Variants in DST observed in about 807,000 individuals in gnomAD.
DST encodes bullous pemphigoid antigen.
A neutral mutation model predicts 875.2 loss-of-function variants in DST; 253 were observed. The ratio of observed to expected loss-of-function variants is 0.29; its 90% CI spans 0.26 to 0.32. The LOEUF (loss-of-function observed/expected upper bound fraction) is 0.32. Among genes scored for constraint, DST ranks in the 10% least tolerant of loss-of-function variants. The probability of loss-of-function intolerance (pLI) is 1.00; values close to 1 mark genes in which losing one functional copy is unlikely to be tolerated. For missense variants in DST, 8,287 were observed against 9,111.6 expected (o/e 0.91, Z 3.68); for synonymous variants, 3,124 against 3,197.1 (o/e 0.98, Z 0.77).
chr6:56,501,826 C>T (rs1267133035), intron 78 of DST, 133 bp from the exon 79 acceptor site: 1 of 564,038 alleles, frequency 1.8e-6, no homozygotes, highest in Non-Finnish European at 2.9e-6. Context: ...AAAAATCTCA[C>T]ATGAGGCTTA....
At chr6:56,481,950 G>A (rs1161702409) in intron 90 of DST, 100 bp downstream of exon 90, 2 of 1,333,984 alleles carry the variant, frequency 1.5e-6, no homozygotes, top group Non-Finnish European at 1.0e-6. Flanking sequence ...TATTTCTCAG[G>A]AAGGAAAATA....
rs2098523226 is a variant in DST, at chr6:56,609,138, T to C, written c.5490A>G (p.Gln1830=). ...DAKSHGLIDE[Q]ILCQLKELSK... ...TTAGTTCTTTGAGTTGGCACAGAAT[T>C]TGTTCATCAATAAGGCCATGACTTT... Residue 1830 remains glutamine (Q), a synonymous_variant, in exon 40 of 104, where the codon CAA becomes CAG. Coordinates refer to ENST00000680361, the MANE Select transcript of DST (RefSeq NM_001374736.1). 3 of 1,613,742 alleles carry C rather than the reference T, an allele frequency of 1.9e-6. No individual in the cohort carries two copies. Among genetic ancestry groups the C allele is most frequent in the Non-Finnish European group, 2.5e-6 (3 of 1,179,798 alleles).
chr6:56,775,291 C>T (rs1590043297), intron 4 of DST, among the ~76,000 whole-genome samples: 1 of 152,206 alleles, frequency 6.6e-6, no homozygotes, highest in South Asian at 2.1e-4. Context: ...AGCACACCTG[C>T]ATCCATAGCC....
chr6:56,767,541 C>G (rs767413331), intron 4 of DST, among the ~76,000 whole-genome samples: 3 of 151,896 alleles, frequency 2.0e-5, no homozygotes, highest in African/African-American at 7.3e-5. Context: ...TGCTTGAACC[C>G]AAGAGGCGGA....
At chr6:56,930,093 G>T (rs1222940575) in intron 2 of DST, among the ~76,000 whole-genome samples, 2 of 152,244 alleles carry the variant, frequency 1.3e-5, no homozygotes, top group Non-Finnish European at 2.9e-5. Flanking sequence ...TAGCCTCCAG[G>T]ATCTGGTAAT....
intron 4 of DST, among the ~76,000 whole-genome samples, chr6:56,746,796 T>C (rs964855369): frequency 6.6e-6 from 1 of 152,244 alleles, no homozygotes; most frequent in East Asian, 1.9e-4. Flanking sequence ...TATTCATTTA[T>C]GTATTACATA....
In DST at chr6:56,466,063, T is replaced by TAACATCATGAA; in HGVS notation, c.22687+14_22687+15insTTCATGATGTT. ...AAATACTTTCATGATGTTATCATGA[T>TAACATCATGAA]AAGCATCTCCTTACCCCTGCAAGGA... On this transcript the variant is annotated intron_variant, in intron 99 of 103. Coordinates refer to ENST00000680361, the MANE Select transcript of DST (RefSeq NM_001374736.1). 1 of 1,570,948 alleles carries TAACATCATGAA rather than the reference T, an allele frequency of 6.4e-7. No homozygotes were observed. Among genetic ancestry groups the TAACATCATGAA allele is most frequent in the Non-Finnish European group, 8.7e-7 (1 of 1,144,658 alleles).
At position 56,608,730 on chromosome 6, in the gene DST, G is replaced by A. The variant is rs1432690867; in HGVS notation, c.5898C>T (p.Asn1966=). 2.5e-6 allele frequency: 4 copies of A among 1,610,686 alleles called. No individual in the cohort carries two copies. The highest frequency in any genetic ancestry group is 1.7e-5 in the Admixed American group (1 of 59,448). ...CATGAGCTGCTCTTAAAATGCTTATGTTTCTTCCACATTTTAATGTTATTC... is the reference window on the plus strand; with the variant it reads ...CATGAGCTGCTCTTAAAATGCTTATATTTCTTCCACATTTTAATGTTATTC... The part of the protein sequence containing the change: ...GGRITLKCGR[N]ISILRAAHEG... Residue 1966 remains asparagine, a synonymous_variant, in exon 40 of 104, where the codon AAC becomes AAT. Transcript: ENST00000680361.
At chr6:56,797,475 G>A (rs1289153802) in intron 4 of DST, among the ~76,000 whole-genome samples, 1 of 152,158 alleles carries the variant, frequency 6.6e-6, no homozygotes. Context: ...CAAAAGCAAG[G>A]CCTCTTGCTC....
At chr6:56,468,124 G>A (rs1272334435) in intron 98 of DST, among the ~76,000 whole-genome samples, 2 of 151,886 alleles carry the variant, frequency 1.3e-5, no homozygotes, top group Middle Eastern at 3.4e-3. Flanking sequence ...ATGTAATATG[G>A]TCAGATACTA....
intron 2 of DST, among the ~76,000 whole-genome samples, chr6:56,941,569 C>T (rs549517221): frequency 6.6e-6 from 1 of 152,296 alleles, no homozygotes; most frequent in African/African-American, 2.4e-5. Flanking sequence ...CACAACTTCA[C>T]CCACTTAGAC....
In DST at chr6:56,603,350, A is replaced by G; in HGVS notation, c.11012T>C (p.Leu3671Ser). 6.2e-7 allele frequency: 1 copy of G among 1,611,252 alleles called. No homozygotes were observed. The highest frequency in any genetic ancestry group is 8.5e-7 in the Non-Finnish European group (1 of 1,179,102). Residue 3671 changes from leucine to serine, a missense_variant, in exon 42 of 104, where the codon TTA becomes TCA. This residue lies in a region of DST where 3,138 missense variants were observed against 3,116.6 expected (regional missense o/e 1.01). Coordinates refer to ENST00000680361, the MANE Select transcript of DST (RefSeq NM_001374736.1). ...GGGAAAGTCACTGGGAAGAGACTTTAAAAACTCTTCTGCCAACTTCATATC... is the reference window on the plus strand; with the variant it reads ...GGGAAAGTCACTGGGAAGAGACTTTGAAAACTCTTCTGCCAACTTCATATC... ...RKDMKLAEEF[L>S]KSLPSDFPRG... is the part of the protein sequence containing the mutation.
chr6:56,765,520 T>C (rs1018397691), intron 4 of DST, among the ~76,000 whole-genome samples: 11 of 152,188 alleles, frequency 7.2e-5, no homozygotes, highest in Admixed American at 5.2e-4. Flanking sequence ...CAGGATATCA[T>C]AAAGGAGAAG....
chr6:56,522,347 T>C (rs943379924), intron 69 of DST, among the ~76,000 whole-genome samples: 1 of 152,182 alleles, frequency 6.6e-6, no homozygotes, highest in Non-Finnish European at 1.5e-5. Context: ...GTCTGACTTC[T>C]AGACTGCCAA....
chr6:56,823,240 T>A lies in DST; in HGVS notation c.625+28157A>T, dbSNP rs116602071. Reference sequence around the variant, plus strand: ...CCATTGTTGTCTAAAGGCACACTCCTATTCTGAGCCTCCCCTCAGTATTTT... The same window carrying A: ...CCATTGTTGTCTAAAGGCACACTCCAATTCTGAGCCTCCCCTCAGTATTTT... On this transcript the variant is annotated intron_variant, in intron 4 of 103. Coordinates refer to ENST00000680361, the MANE Select transcript of DST (RefSeq NM_001374736.1). Among the ~76,000 whole-genome samples, 639 of 152,300 alleles carry A rather than the reference T, an allele frequency of 4.2e-3. 7 individuals carry two copies. Among genetic ancestry groups the A allele is most frequent in the African/African-American group, 0.015 (618 of 41,564 alleles).
At chr6:56,862,376 G>A (rs1771675973) in intron 3 of DST, among the ~76,000 whole-genome samples, 1 of 152,064 alleles carries the variant, frequency 6.6e-6, no homozygotes, top group Non-Finnish European at 1.5e-5. Context: ...GTTTGAGGGG[G>A]GAAGATGTTA....
At chr6:56,617,084 G>T (rs1213052740) in intron 36 of DST, 1 of 1,613,936 alleles carries the variant, frequency 6.2e-7, no homozygotes, top group South Asian at 1.1e-5. Flanking sequence ...CTTGTTAAGA[G>T]TTTTCTGAAC....
At chr6:56,651,697 G>A (rs552522739) in intron 10 of DST, among the ~76,000 whole-genome samples, 1 of 152,190 alleles carries the variant, frequency 6.6e-6, no homozygotes, top group Admixed American at 6.5e-5. Context: ...TATAATCCTA[G>A]TCATTCTTCC....
At chr6:56,778,584 C>T (rs1359717120) in intron 4 of DST, among the ~76,000 whole-genome samples, 2 of 131,126 alleles carry the variant, frequency 1.5e-5, no homozygotes, top group African/African-American at 5.7e-5. Flanking sequence ...CTTCCTGTGT[C>T]CATGTGTTCT....
Sources: allele counts gnomAD v4.1 joint callset (sites outside exome capture counted in the v4.1 genomes callset), GRCh38; gene constraint gnomAD v4.1.1; regional missense constraint gnomAD v4.1.1; transcripts MANE v1.5; gene names NCBI Gene and HGNC (gene_info 2026-07-23, HGNC 2026-07-21).